The following PTPN5 variants were observed in gnomAD, a reference collection of about 807,000 sequenced individuals.
The protein encoded by PTPN5 is tyrosine-protein phosphatase non-receptor type 5.
Under a neutral mutation model 73.9 loss-of-function variants are expected in PTPN5, and 29 were observed. That is an observed-to-expected ratio of 0.39 (90% CI 0.29 to 0.54). The LOEUF (loss-of-function observed/expected upper bound fraction) is 0.54. Ranked by LOEUF, PTPN5 falls within the 20% of genes least tolerant of loss-of-function variation. The pLI is 0.65. For missense variants in PTPN5, 652 were observed against 751.4 expected, an observed-to-expected ratio of 0.87 and a Z score of 1.55; for synonymous variants, 267 against 304.7, an observed-to-expected ratio of 0.88 and a Z score of 1.29.
intron 3 of PTPN5, among the ~76,000 whole-genome samples, chr11:18,757,019 T>C (rs1461123627): frequency 6.6e-6 from 1 of 151,852 alleles, no homozygotes; most frequent in Non-Finnish European, 1.5e-5. Flanking sequence ...CATTTTCATA[T>C]GTGTGTGTGT....
Position 18,729,583 on chromosome 11 carries a change from C to T in PTPN5, c.1491-17G>A. On this transcript the variant is annotated splice_polypyrimidine_tract_variant and intron_variant, in intron 13 of 14. Transcript: ENST00000358540. This position sits in a 1 kb window ranked among gnomAD's most constrained non-coding sequence, Gnocchi z 5.2. Reference sequence around the variant, plus strand: ...ATCCCTGCACTGAGGGCCGAGGGGACCGGTGGGGTGAGGGGCAGGGCAGCC... The same window carrying T: ...ATCCCTGCACTGAGGGCCGAGGGGATCGGTGGGGTGAGGGGCAGGGCAGCC... 1 of 1,575,864 alleles carries T rather than the reference C, an allele frequency of 6.3e-7. No homozygotes were observed.
chr11:18,756,579 A>G (rs930038233), intron 3 of PTPN5, among the ~76,000 whole-genome samples: 2 of 151,854 alleles, frequency 1.3e-5, no homozygotes, highest in Non-Finnish European at 2.9e-5. Context: ...TTATAGGCTG[A>G]GCCACTGCAC....
At chr11:18,781,088 T>C (rs1267244750) in intron 1 of PTPN5, among the ~76,000 whole-genome samples, 1 of 152,042 alleles carries the variant, frequency 6.6e-6, no homozygotes, top group South Asian at 2.1e-4. Context: ...TTGAAAACCT[T>C]TGGAACTCAC....
intron 12 of PTPN5, chr11:18,730,548 A>G (rs1403208367): frequency 5.9e-5 from 9 of 152,230 alleles, no homozygotes; most frequent in African/African-American, 1.9e-4. Flanking sequence ...AGCCCTCACG[A>G]ATGGGATCAG....
chr11:18,748,365 G>A (rs1849733877), intron 3 of PTPN5, among the ~76,000 whole-genome samples: 2 of 152,166 alleles, frequency 1.3e-5, no homozygotes. Flanking sequence ...GGCTCATAGG[G>A]CCCTAGATGT....
At chr11:18,743,483 C>G in intron 4 of PTPN5, 54 bp from the exon 5 acceptor site, 1 of 1,514,834 alleles carries the variant, frequency 6.6e-7, no homozygotes, top group Non-Finnish European at 9.2e-7. Flanking sequence ...CCCCCGTGTT[C>G]CCCCAGCAGA....
intron 4 of PTPN5, chr11:18,743,687 G>C (rs1849479892): frequency 1.7e-6 from 1 of 584,330 alleles, no homozygotes; most frequent in Non-Finnish European, 3.0e-6. Context: ...TACATCAAAA[G>C]AGTAGTCTCC....
rs534712883 is a variant in PTPN5, at chr11:18,752,496, C to T, written c.98-8297G>A. Among the ~76,000 whole-genome samples, 48 of 152,186 alleles carry T rather than the reference C, an allele frequency of 3.2e-4. 1 individual carries two copies. In the South Asian group the frequency reaches 8.9e-3, roughly 28 times the overall value. On this transcript the variant is annotated intron_variant, in intron 3 of 14. Coordinates refer to ENST00000358540, the MANE Select transcript of PTPN5 (RefSeq NM_006906.2). Reference sequence around the variant, plus strand: ...GAGGCTGCTGGCTGGCAACTGGGGTCGGTGGATGGAGTGGGCATGGACTGG... The same window carrying T: ...GAGGCTGCTGGCTGGCAACTGGGGTTGGTGGATGGAGTGGGCATGGACTGG...
chr11:18,732,250 A>G (rs1848909279), intron 12 of PTPN5, among the ~76,000 whole-genome samples: 1 of 152,192 alleles, frequency 6.6e-6, no homozygotes, highest in African/African-American at 2.4e-5. Context: ...CTCAATTATA[A>G]GCACAGTGCT....
chr11:18,736,917 A>T (rs904111057), intron 9 of PTPN5, among the ~76,000 whole-genome samples: 7 of 152,190 alleles, frequency 4.6e-5, no homozygotes, highest in Non-Finnish European at 8.8e-5. Context: ...TGAATAATGC[A>T]TCCTGGCCTT....
intron 1 of PTPN5, among the ~76,000 whole-genome samples, chr11:18,788,352 TAA>T (rs1357720052): frequency 2.6e-5 from 4 of 152,214 alleles, no homozygotes; most frequent in Non-Finnish European, 5.9e-5. Flanking sequence ...ACTCAAAAAC[TAA>T]AGACTCCCAA....
intron 2 of PTPN5, among the ~76,000 whole-genome samples, chr11:18,770,407 T>A (rs1019249596): frequency 6.6e-6 from 1 of 152,244 alleles, no homozygotes; most frequent in Non-Finnish European, 1.5e-5. Context: ...ATGTAGCCTT[T>A]TGTGCTTTTG....
chr11:18,731,847 GGGCATCAGCTTC>G (rs1368109950), intron 12 of PTPN5, among the ~76,000 whole-genome samples: 7 of 152,144 alleles, frequency 4.6e-5, no homozygotes, highest in Non-Finnish European at 7.3e-5. Context: ...CTCCTGGATA[GGGCATCAGCTTC>G]CTGATGCCTG....
At chr11:18,788,272 T>A (rs768655849) in intron 1 of PTPN5, among the ~76,000 whole-genome samples, 3 of 152,146 alleles carry the variant, frequency 2.0e-5, no homozygotes, top group Non-Finnish European at 4.4e-5. Context: ...GCTCTCCACA[T>A]CCAATCTGTT....
rs1371496834 is a variant in PTPN5, at chr11:18,733,218, G to C, written c.1218+17C>G. The C allele has an allele frequency of 6.2e-7, 1 of 1,605,642 alleles. No homozygotes were observed. The highest frequency in any genetic ancestry group is 1.1e-5 in the South Asian group (1 of 90,910). ...CGCAATGTAGCAGACACTTAGAATG[G>C]GGACGGGGGTCCCTACCTCGTTCAT... On this transcript the variant is annotated intron_variant, in intron 11 of 14. Transcript: ENST00000358540. This position sits in a 1 kb window ranked among gnomAD's most constrained non-coding sequence, Gnocchi z 4.3.
At chr11:18,790,802 C>T (rs1357579002) in intron 1 of PTPN5, among the ~76,000 whole-genome samples, 1 of 152,088 alleles carries the variant, frequency 6.6e-6, no homozygotes, top group East Asian at 1.9e-4. Flanking sequence ...AAAGCTTTAC[C>T]ACTAACTCTC....
intron 3 of PTPN5, among the ~76,000 whole-genome samples, chr11:18,756,636 G>A (rs1426055240): frequency 1.3e-5 from 2 of 151,600 alleles, no homozygotes; most frequent in Non-Finnish European, 2.9e-5. Context: ...AAAAGAAACA[G>A]CACCGGCCGG....
intron 2 of PTPN5, among the ~76,000 whole-genome samples, chr11:18,769,599 C>T (rs1486884405): frequency 6.6e-6 from 1 of 152,166 alleles, no homozygotes; most frequent in African/African-American, 2.4e-5. Context: ...TACGAGGTTT[C>T]ACCGTATTAG....
At chr11:18,736,288 A>T (rs1849110332) in intron 9 of PTPN5, among the ~76,000 whole-genome samples, 1 of 152,208 alleles carries the variant, frequency 6.6e-6, no homozygotes. Context: ...AAATTAAAAC[A>T]GTCCAAATAG....
Sources: gnomAD v4.1 joint callset for allele counts (sites outside exome capture counted in the v4.1 genomes callset) on GRCh38, gnomAD v4.1.1 for gene constraint, Gnocchi (gnomAD v3.1) non-coding constraint, MANE v1.5 for transcripts, NCBI Gene and HGNC (gene_info 2026-07-23, HGNC 2026-07-21) for gene names.